Variants in DHTKD1 observed in about 807,000 individuals in gnomAD.
The protein encoded by DHTKD1 is dehydrogenase E1 and transketolase domain containing 1.
In DHTKD1, 78 loss-of-function variants were observed where a neutral mutation model predicts 101.8. The ratio of observed to expected loss-of-function variants is 0.77; its 90% confidence interval spans 0.64 to 0.93. The LOEUF (loss-of-function observed/expected upper bound fraction) is 0.93, where lower values mean the gene tolerates loss of function less well. Ranked by LOEUF, DHTKD1 falls within the 40% of genes least tolerant of loss-of-function variation. The probability of loss-of-function intolerance (pLI) is 0.00; values close to 1 mark genes in which losing one functional copy is unlikely to be tolerated. For synonymous variants in DHTKD1, 462 were observed against 450.3 expected (o/e 1.03, Z -0.33); for missense variants, 1,223 against 1,161.7 (o/e 1.05, Z -0.77).
At chr10:12,073,938 AAGCATGCCTCTG>A (rs1255432615) in intron 1 of DHTKD1, among the ~76,000 whole-genome samples, 4 of 152,192 alleles carry the variant, frequency 2.6e-5, no homozygotes, top group African/African-American at 9.6e-5. Context: ...TCTGAGCCAG[AAGCATGCCTCTG>A]ATATTCTCCT....
chr10:12,103,276 G>T lies in DHTKD1; in HGVS notation c.1896+2095G>T, dbSNP rs1488944859. Reference sequence around the variant, plus strand: ...ACCATGTCCTCTATGTGAAGACCCTGGGAGAAACTCCTGCTTGATCTTGGT... The same window carrying T: ...ACCATGTCCTCTATGTGAAGACCCTTGGAGAAACTCCTGCTTGATCTTGGT... On this transcript the variant is annotated intron_variant, in intron 10 of 16. Coordinates refer to ENST00000263035, the MANE Select transcript of DHTKD1 (RefSeq NM_018706.7). The surrounding 1 kb of genome is among the most constrained non-coding windows in gnomAD (Gnocchi z 4.8). Among the ~76,000 whole-genome samples the T allele has an allele frequency of 6.6e-6, 1 of 152,062 alleles. No homozygotes were observed. Among genetic ancestry groups the T allele is most frequent in the African/African-American group, 2.4e-5 (1 of 41,412 alleles).
rs908926249 is a variant in DHTKD1, at chr10:12,084,680, G to C, written c.451G>C (p.Glu151Gln). 6 of 1,614,150 alleles carry C rather than the reference G, an allele frequency of 3.7e-6. No homozygotes were observed. Among genetic ancestry groups the C allele is most frequent in the Non-Finnish European group, 5.1e-6 (6 of 1,180,028 alleles). Residue 151 changes from glutamate (E) to glutamine (Q), a missense_variant, in exon 3 of 17, where the codon GAG (glutamate) becomes CAG (glutamine). Coordinates refer to ENST00000263035, the MANE Select transcript of DHTKD1 (RefSeq NM_018706.7). ...DEKDWFAKRF[E>Q]ELQKETFTTE... ...GAAAGACTGGTTTGCCAAGCGGTTTGAGGAACTGCAAAAGGAGACGTTTAC... is the reference window on the plus strand; with the variant it reads ...GAAAGACTGGTTTGCCAAGCGGTTTCAGGAACTGCAAAAGGAGACGTTTAC...
At chr10:12,100,285 C>CTATTTTTTTTTTTTT in intron 9 of DHTKD1, 23 bp downstream of exon 9, 1 of 216,316 alleles carries the variant, frequency 4.6e-6, no homozygotes, top group Non-Finnish European at 7.6e-6. Flanking sequence ...TTTTTTTTTT[C>CTATTTTTTTTTTTTT]TGTTTTTTTT....
intron 1 of DHTKD1, among the ~76,000 whole-genome samples, chr10:12,081,043 G>A (rs145584627): frequency 0.035 from 5,261 of 152,066 alleles, 291 homozygotes; most frequent in African/African-American, 0.12. Context: ...GCTCACGCCT[G>A]TAATCCCAGC....
intron 10 of DHTKD1, among the ~76,000 whole-genome samples, chr10:12,102,441 A>AG (rs397955181): frequency 6.6e-6 from 1 of 151,062 alleles, no homozygotes; most frequent in East Asian, 1.9e-4. Context: ...AAAAAAAAAA[A>AG]GAAAATTCAC....
intron 2 of DHTKD1, 70 bp from the exon 3 acceptor site, chr10:12,084,470 T>A: frequency 1.9e-6 from 2 of 1,050,086 alleles, no homozygotes; most frequent in Admixed American, 3.6e-5. Context: ...ATACAGTATA[T>A]AATAATCTCA....
chr10:12,097,907 C>T lies in DHTKD1; in HGVS notation c.1582C>T (p.Leu528Phe). ...CACCACCTGGAGTACAGGTGTGCCC[C>T]TCGACCTCCTGCGGTTTGTTGGCAT... ...QITTWSTGVP[L>F]DLLRFVGMKS... Residue 528 changes from leucine (L) to phenylalanine (F), a missense_variant, in exon 8 of 17, where the codon CTC (leucine) becomes TTC (phenylalanine). Leu to Phe is a conservative substitution (Grantham distance 22). Transcript: ENST00000263035. 6.2e-7 allele frequency: 1 copy of T among 1,614,224 alleles called. No individual in the cohort carries two copies. The highest frequency in any genetic ancestry group is 8.5e-7 in the Non-Finnish European group (1 of 1,180,036).
intron 6 of DHTKD1, among the ~76,000 whole-genome samples, chr10:12,091,898 G>A (rs572375885): frequency 7.2e-5 from 11 of 151,778 alleles, no homozygotes; most frequent in African/African-American, 2.4e-4. Flanking sequence ...TCTGCCTCCC[G>A]AGTTCAAGTG....
chr10:12,117,365 G>T (rs1833436130), intron 13 of DHTKD1, among the ~76,000 whole-genome samples: 1 of 149,888 alleles, frequency 6.7e-6, no homozygotes, highest in Non-Finnish European at 1.5e-5. Flanking sequence ...GGTGGAGTAG[G>T]GGGTGCAAAG....
chr10:12,106,275 C>G lies in DHTKD1; in HGVS notation c.1926C>G (p.Ala642=), dbSNP rs371994485. ...EVSNSPLSEE[A]VLGFEYGMSI... is the part of the protein sequence containing the mutation. ...GCAACAGCCCACTGTCAGAAGAGGC[C>G]GTCCTGGGATTTGAATATGGGATGA... Residue 642 remains alanine, a synonymous_variant, in exon 11 of 17, where the codon GCC becomes GCG. Coordinates refer to ENST00000263035, the MANE Select transcript of DHTKD1 (RefSeq NM_018706.7). 8.1e-6 allele frequency: 13 copies of G among 1,613,944 alleles called. No homozygotes were observed. The highest frequency in any genetic ancestry group is 1.1e-5 in the Non-Finnish European group (13 of 1,180,006).
chr10:12,119,624 A>AC (rs1240006931), intron 15 of DHTKD1, among the ~76,000 whole-genome samples: 1 of 151,556 alleles, frequency 6.6e-6, no homozygotes, highest in Admixed American at 6.6e-5. Flanking sequence ...TCAAAAAAAA[A>AC]AAAAAAAAAA....
chr10:12,078,887 ACTC>A (rs1832773138), intron 1 of DHTKD1, among the ~76,000 whole-genome samples: 1 of 151,302 alleles, frequency 6.6e-6, no homozygotes, highest in African/African-American at 2.4e-5. Flanking sequence ...CTGGTCTTGA[ACTC>A]CTGACCTCAA....
At chr10:12,096,250 G>A (rs1434640107) in intron 7 of DHTKD1, among the ~76,000 whole-genome samples, 1 of 152,090 alleles carries the variant, frequency 6.6e-6, no homozygotes, top group Non-Finnish European at 1.5e-5. Context: ...ATAAATTAAA[G>A]CAGAGGAATA....
At chr10:12,111,702 A>G (rs961762906) in intron 12 of DHTKD1, among the ~76,000 whole-genome samples, 12 of 152,142 alleles carry the variant, frequency 7.9e-5, no homozygotes, top group African/African-American at 2.9e-4. Flanking sequence ...GTGTGTGTAG[A>G]TGGTCTGAGG....
In DHTKD1 at chr10:12,121,071, AT is replaced by A; in HGVS notation, c.*184del. On this transcript the variant is annotated 3_prime_UTR_variant, in exon 17 of 17. Coordinates refer to ENST00000263035, the MANE Select transcript of DHTKD1 (RefSeq NM_018706.7). Reference sequence around the variant, plus strand: ...CCCGCCTCTACTAAAAATACAAAAAATAGCCGGGTGTGGTGGTGGGCACCTG... The same window carrying A: ...CCCGCCTCTACTAAAAATACAAAAAAAGCCGGGTGTGGTGGTGGGCACCTG... 1 of 459,042 alleles carries A rather than the reference AT, an allele frequency of 2.2e-6. No homozygotes were observed. The highest frequency in any genetic ancestry group is 4.7e-5 in the East Asian group (1 of 21,344). 28.4% of individuals were successfully genotyped at this position (459,042 alleles called of 1,614,324 possible).
At chr10:12,081,001 T>C (rs1049256127) in intron 1 of DHTKD1, among the ~76,000 whole-genome samples, 22 of 151,648 alleles carry the variant, frequency 1.5e-4, no homozygotes, top group Non-Finnish European at 2.9e-4. Context: ...CAGGTTGCAG[T>C]GAGCTGTGAT....
Position 12,097,833 on chromosome 10 carries a change from T to C in DHTKD1, c.1508T>C (p.Leu503Pro), listed in dbSNP as rs1833095845. 2 of 1,614,208 alleles carry C rather than the reference T, an allele frequency of 1.2e-6. No homozygotes were observed. Among genetic ancestry groups the C allele is most frequent in the Non-Finnish European group, 8.5e-7 (1 of 1,180,026 alleles). The change falls in exon 8 of 17, where the codon CTG (leucine) becomes CCG (proline). Residue 503 changes from leucine to proline, a missense_variant. By Grantham distance (98) the Leu-to-Pro change is moderately conservative (BLOSUM62 -3). Coordinates refer to ENST00000263035, the MANE Select transcript of DHTKD1 (RefSeq NM_018706.7). The part of the protein sequence containing the change: ...NNMAHYRPPA[L>P]NLQAHWQGLA... ...ATGGCCCACTACAGGCCCCCTGCCCTGAACCTGCAGGCCCACTGGCAGGGC... is the reference window on the plus strand; with the variant it reads ...ATGGCCCACTACAGGCCCCCTGCCCCGAACCTGCAGGCCCACTGGCAGGGC...
In DHTKD1 at chr10:12,094,223, A is replaced by G; in HGVS notation, c.1310A>G (p.Glu437Gly). Residue 437 changes from glutamate to glycine, a missense_variant, in exon 7 of 17, where the codon GAG (glutamate) becomes GGG (glycine). Glu to Gly is a moderately conservative substitution (Grantham distance 98, BLOSUM62 -2). Transcript: ENST00000263035. ...TGCTACAGGCAGTGGGGCCACAATG[A>G]GCTGGATGAGCCATTCTACACCAAC... is the stretch of plus-strand genomic sequence containing the variant. ...LLCYRQWGHN[E>G]LDEPFYTNPI... The G allele has an allele frequency of 6.2e-7, 1 of 1,614,188 alleles. No homozygotes were observed. The highest frequency in any genetic ancestry group is 8.5e-7 in the Non-Finnish European group (1 of 1,180,036).
intron 5 of DHTKD1, among the ~76,000 whole-genome samples, chr10:12,090,695 C>G (rs2066019773): frequency 6.6e-6 from 1 of 151,966 alleles, no homozygotes; most frequent in African/African-American, 2.4e-5. Context: ...CTGGGTTGGC[C>G]AAGCTGGTTT....
Sources: allele counts gnomAD v4.1 joint callset (sites outside exome capture counted in the v4.1 genomes callset), GRCh38; gene constraint gnomAD v4.1.1; non-coding constraint Gnocchi (gnomAD v3.1); transcripts MANE v1.5; gene names NCBI Gene and HGNC (gene_info 2026-07-23, HGNC 2026-07-21).